The following RSRC1 variants were observed in gnomAD, a reference collection of about 807,000 sequenced individuals.
RSRC1 encodes the protein serine/Arginine-related protein 53.
RSRC1 carries 39 observed loss-of-function variants against 49.1 expected under a neutral mutation model. That is an observed-to-expected ratio of 0.79 (90% CI 0.61 to 1.04). RSRC1 has a LOEUF of 1.04. Among genes scored for constraint, RSRC1 ranks in the 50% least tolerant of loss-of-function variants. The probability of loss-of-function intolerance (pLI) is 0.00; values close to 1 mark genes in which losing one functional copy is unlikely to be tolerated. For missense variants in RSRC1, 388 were observed against 402.4 expected (o/e 0.96, Z 0.31); for synonymous variants, 143 against 130.8 (o/e 1.09, Z -0.63).
chr3:158,229,253 T>TACAC (rs1163726837), intron 4 of RSRC1, among the ~76,000 whole-genome samples: 1 of 146,702 alleles, frequency 6.8e-6, no homozygotes, highest in South Asian at 2.1e-4. Flanking sequence ...TATATAAACA[T>TACAC]ACATGTATAT....
intron 4 of RSRC1, among the ~76,000 whole-genome samples, chr3:158,209,945 T>A (rs1053113604): frequency 2.0e-5 from 3 of 152,060 alleles, no homozygotes; most frequent in South Asian, 2.1e-4. Context: ...GTGTCTTCAG[T>A]TTTAGAGTTT....
chr3:158,352,719 T>G (rs758960610), intron 5 of RSRC1, among the ~76,000 whole-genome samples: 1 of 152,134 alleles, frequency 6.6e-6, no homozygotes, highest in Non-Finnish European at 1.5e-5. Flanking sequence ...AGTAACAAAT[T>G]TCGTAACCCT....
intron 5 of RSRC1, among the ~76,000 whole-genome samples, chr3:158,322,217 A>G (rs529330799): frequency 6.6e-6 from 1 of 152,276 alleles, no homozygotes; most frequent in South Asian, 2.1e-4. Context: ...TGTTGGATAT[A>G]GAATTGTTGC....
chr3:158,400,803 C>T (rs2108307786), intron 6 of RSRC1, among the ~76,000 whole-genome samples: 1 of 151,974 alleles, frequency 6.6e-6, no homozygotes, highest in South Asian at 2.1e-4. Flanking sequence ...AGATAGATTG[C>T]CTAAGTATAT....
chr3:158,179,518 C>CT (rs909801632), intron 3 of RSRC1, among the ~76,000 whole-genome samples: 1 of 152,088 alleles, frequency 6.6e-6, no homozygotes, highest in African/African-American at 2.4e-5. Context: ...TTGAGATTGG[C>CT]TTTTTTCACT....
At chr3:158,516,200 GCT>G (rs1740521831) in intron 7 of RSRC1, among the ~76,000 whole-genome samples, 1 of 152,126 alleles carries the variant, frequency 6.6e-6, no homozygotes, top group African/African-American at 2.4e-5. Flanking sequence ...CAGTTTTTCT[GCT>G]CTGTTTTTTC....
At chr3:158,180,907 C>T (rs1052662666) in intron 3 of RSRC1, among the ~76,000 whole-genome samples, 1 of 148,718 alleles carries the variant, frequency 6.7e-6, no homozygotes, top group Admixed American at 6.8e-5. Flanking sequence ...CAGGTTCAAG[C>T]AATTCTCCTG....
At chr3:158,156,754 A>G (rs1717902043) in intron 3 of RSRC1, among the ~76,000 whole-genome samples, 1 of 152,244 alleles carries the variant, frequency 6.6e-6, no homozygotes, top group South Asian at 2.1e-4. Context: ...ACACACATCT[A>G]TTTAAGTTCA....
chr3:158,289,924 T>TATCCATCCATCCATCCATCCATCC (rs138336070), intron 4 of RSRC1, among the ~76,000 whole-genome samples: 3 of 149,786 alleles, frequency 2.0e-5, no homozygotes, highest in African/African-American at 7.4e-5. Context: ...TCTATCTTTC[T>TATCCATCCATCCATCCATCCATCC]ATCCATCCAT....
intron 1 of RSRC1, among the ~76,000 whole-genome samples, chr3:158,119,900 G>A (rs1715134588): frequency 1.5e-5 from 2 of 136,440 alleles, no homozygotes; most frequent in East Asian, 2.3e-4. Context: ...GCACTATCTC[G>A]GCTCACTGCA....
intron 6 of RSRC1, among the ~76,000 whole-genome samples, chr3:158,433,153 G>A (rs983915347): frequency 1.3e-5 from 2 of 151,768 alleles, no homozygotes; most frequent in African/African-American, 2.4e-5. Flanking sequence ...ACGTAATGCT[G>A]TGCTTGCTTA....
intron 7 of RSRC1, among the ~76,000 whole-genome samples, chr3:158,489,152 G>A (rs1331142804): frequency 2.6e-5 from 4 of 152,078 alleles, no homozygotes; most frequent in South Asian, 2.1e-4. Flanking sequence ...TTGTTATCTC[G>A]TCACTAAAAG....
intron 7 of RSRC1, among the ~76,000 whole-genome samples, chr3:158,534,833 A>G (rs899584016): frequency 1.3e-5 from 2 of 151,516 alleles, no homozygotes; most frequent in Middle Eastern, 3.4e-3. Flanking sequence ...TAAGTGAAAA[A>G]GGTAAGATAC....
chr3:158,480,184 T>C (rs1738551785), intron 7 of RSRC1, among the ~76,000 whole-genome samples: 2 of 152,020 alleles, frequency 1.3e-5, no homozygotes, highest in Admixed American at 1.3e-4. Flanking sequence ...ATAGTAAAAT[T>C]CTAGCTGTAG....
In RSRC1 at chr3:158,231,168, A is replaced by G. The variant is rs535859149; in HGVS notation, c.494+27923A>G. Among the ~76,000 whole-genome samples, 18 of 111,660 alleles carry G rather than the reference A, an allele frequency of 1.6e-4. No homozygotes were observed. In the East Asian group the frequency reaches 3.6e-3, roughly 23 times the overall value. The allele number at this position is 111,660 out of a possible 152,430, so 73.3% of individuals were successfully genotyped here. A position where few individuals can be genotyped will look rare whatever the true frequency, so the allele number is the denominator to read the frequency against. The stretch of plus-strand genomic sequence containing the variant: ...TTTTTTTTTTTTTTTTTTTTGAGAC[A>G]GTCTTCACTCTGTCACCCAGTCTGG... On this transcript the variant is annotated intron_variant, in intron 4 of 9. Coordinates refer to ENST00000611884, the MANE Select transcript of RSRC1 (RefSeq NM_001271838.2).
intron 8 of RSRC1, among the ~76,000 whole-genome samples, chr3:158,542,286 T>C (rs1345717883): frequency 6.6e-6 from 1 of 152,178 alleles, no homozygotes; most frequent in Non-Finnish European, 1.5e-5. Context: ...ATCCTAGCAC[T>C]TTGGGAGGCC....
At chr3:158,281,143 A>G (rs1191736671) in intron 4 of RSRC1, among the ~76,000 whole-genome samples, 1 of 152,200 alleles carries the variant, frequency 6.6e-6, no homozygotes, top group Non-Finnish European at 1.5e-5. Context: ...GGTAGAATCA[A>G]TAGGACTAAC....
At position 158,309,730 on chromosome 3, in the gene RSRC1, C is replaced by G. The variant is rs941301345; in HGVS notation, c.531+11655C>G. On this transcript the variant is annotated intron_variant, in intron 5 of 9. Transcript: ENST00000611884. ...AAACAGTTTTATCAAAATAGCTACC[C>G]GAATATGTGATACACAAAGAAAGCT... 2.0e-5 allele frequency among the ~76,000 whole-genome samples: 3 copies of G among 151,618 alleles called. No individual in the cohort carries two copies. In the East Asian group the frequency reaches 5.8e-4, roughly 29 times the overall value.
chr3:158,150,460 T>A (rs1403823614), intron 3 of RSRC1, among the ~76,000 whole-genome samples: 1 of 152,196 alleles, frequency 6.6e-6, no homozygotes, highest in Admixed American at 6.5e-5. Context: ...TATAAGAAAT[T>A]GAAATGTTCT....
Sources: allele counts gnomAD v4.1 joint callset (sites outside exome capture counted in the v4.1 genomes callset), GRCh38; gene constraint gnomAD v4.1.1; transcripts MANE v1.5; gene names NCBI Gene and HGNC (gene_info 2026-07-23, HGNC 2026-07-21).